PCDHGB3: variants seen among roughly 807,000 people sequenced by gnomAD.
The protein encoded by PCDHGB3 is protocadherin gamma subfamily B, 3.
Under a neutral mutation model 59.2 loss-of-function variants are expected in PCDHGB3, and 40 were observed. The ratio of observed to expected loss-of-function variants is 0.68; its 90% CI spans 0.52 to 0.88. The LOEUF (loss-of-function observed/expected upper bound fraction) is 0.88, where lower values mean the gene tolerates loss of function less well. Ranked by LOEUF, PCDHGB3 falls within the 40% of genes least tolerant of loss-of-function variation. PCDHGB3 has a pLI of 0.00. For synonymous variants in PCDHGB3, 581 were observed against 503.6 expected, an observed-to-expected ratio of 1.15 and a Z score of -2.06; for missense variants, 1,309 against 1,187.9, an observed-to-expected ratio of 1.10 and a Z score of -1.50.
Position 141,407,977 on chromosome 5 carries a change from G to T in PCDHGB3, c.2415+35168G>T, listed in dbSNP as rs943554200. ...GTGCAGAGCAAGCGCTGACGCCGGG[G>T]ATCCGTCAGCCTCTGGCCTGGGATT... On this transcript the variant is annotated intron_variant, in intron 1 of 3. Coordinates refer to ENST00000576222, the MANE Select transcript of PCDHGB3 (RefSeq NM_018924.5). 65 of 747,656 alleles carry T rather than the reference G, an allele frequency of 8.7e-5. No individual in the cohort carries two copies. The African/African-American group carries it at 1.0e-3, about 12-fold the overall frequency. The allele number at this position is 747,656 out of a possible 1,614,324, so 46.3% of individuals were successfully genotyped here. A position where few individuals can be genotyped will look rare whatever the true frequency, so the allele number is the denominator to read the frequency against.
chr5:141,429,861 A>C (rs1483953460), intron 1 of PCDHGB3, among the ~76,000 whole-genome samples: 1 of 152,226 alleles, frequency 6.6e-6, no homozygotes, highest in Non-Finnish European at 1.5e-5. Flanking sequence ...TCTTTGGACT[A>C]CCAATTTTCT....
intron 1 of PCDHGB3, among the ~76,000 whole-genome samples, chr5:141,444,152 ATTTTTTTTTTTTTTTTTTTTT>A (rs747671382): frequency 8.9e-5 from 3 of 33,882 alleles, no homozygotes; most frequent in Admixed American, 3.9e-4. Context: ...TGTGTACTGG[ATTTTTTTTTTTTTTTTTTTTT>A]TTTTTTTTTT....
intron 1 of PCDHGB3, among the ~76,000 whole-genome samples, chr5:141,459,534 T>G (rs980917458): frequency 1.3e-5 from 2 of 151,990 alleles, no homozygotes; most frequent in African/African-American, 2.4e-5. Flanking sequence ...TGTAGGCATA[T>G]TTTTTTTATT....
In PCDHGB3 at chr5:141,487,365, G is replaced by A. The variant is rs1466536791; in HGVS notation, c.2416-7442G>A. On this transcript the variant is annotated intron_variant, in intron 1 of 3. Coordinates refer to ENST00000576222, the MANE Select transcript of PCDHGB3 (RefSeq NM_018924.5). This position sits in a 1 kb window ranked among gnomAD's most constrained non-coding sequence, Gnocchi z 5.0. ...GTCACATGCTTTCCTGCTGGCACCT[G>A]TGCCTGTCTCACCAGATCTCGAAGG... The A allele has an allele frequency of 1.2e-6, 2 of 1,614,068 alleles. No homozygotes were observed. Among genetic ancestry groups the A allele is most frequent in the South Asian group, 1.1e-5 (1 of 91,088 alleles).
At chr5:141,499,019 AGGAAGGAAGAAAAG>A (rs2099788655) in intron 2 of PCDHGB3, among the ~76,000 whole-genome samples, 1 of 150,840 alleles carries the variant, frequency 6.6e-6, no homozygotes, top group Non-Finnish European at 1.5e-5. Flanking sequence ...GAAGGAAGGA[AGGAAGGAAGAAAAG>A]AAAGAAAAAG....
chr5:141,381,355 C>T (rs1431564536), intron 1 of PCDHGB3, among the ~76,000 whole-genome samples: 1 of 152,222 alleles, frequency 6.6e-6, no homozygotes, highest in Admixed American at 6.5e-5. Context: ...TTTCTGCTAG[C>T]AGAGGGTAGC....
intron 1 of PCDHGB3, among the ~76,000 whole-genome samples, chr5:141,457,415 C>T (rs185690067): frequency 3.9e-4 from 60 of 152,300 alleles, no homozygotes; most frequent in African/African-American, 1.3e-3. Flanking sequence ...CATTACCCAT[C>T]CCTTTTTCCC....
intron 3 of PCDHGB3, 72 bp from the exon 4 acceptor site, chr5:141,510,875 C>T: frequency 6.2e-7 from 1 of 1,610,120 alleles, no homozygotes; most frequent in Admixed American, 1.7e-5. Context: ...TCATTAACTG[C>T]TGGGGATATA....
chr5:141,484,591 T>C (rs2099597977), intron 1 of PCDHGB3, among the ~76,000 whole-genome samples: 1 of 152,020 alleles, frequency 6.6e-6, no homozygotes, highest in African/African-American at 2.4e-5. Flanking sequence ...AAGCTACTCA[T>C]TTAGAATACT....
intron 1 of PCDHGB3, among the ~76,000 whole-genome samples, chr5:141,494,100 G>T (rs559145191): frequency 6.6e-6 from 1 of 152,152 alleles, no homozygotes; most frequent in Non-Finnish European, 1.5e-5. Flanking sequence ...ATTTTTCTCC[G>T]TCTCAGACAG....
At chr5:141,408,879 C>A in intron 1 of PCDHGB3, 1 of 1,613,504 alleles carries the variant, frequency 6.2e-7, no homozygotes. Context: ...AGTGCCACCG[C>A]TCACATAGAA....
At chr5:141,395,398 T>A (rs976008795) in intron 1 of PCDHGB3, 8 of 863,662 alleles carry the variant, frequency 9.3e-6, no homozygotes, top group South Asian at 2.0e-5. Context: ...TGAACTCTAA[T>A]AGTCATAGGT....
chr5:141,496,192 C>T (rs942276204), intron 2 of PCDHGB3, among the ~76,000 whole-genome samples: 1 of 152,098 alleles, frequency 6.6e-6, no homozygotes, highest in Non-Finnish European at 1.5e-5. Flanking sequence ...CCCAGCTGCT[C>T]ATTTCAATCT....
At chr5:141,420,062 T>G (rs759817545) in intron 1 of PCDHGB3, 1 of 1,614,066 alleles carries the variant, frequency 6.2e-7, no homozygotes, top group Non-Finnish European at 8.5e-7. Context: ...CTGCTCCAAG[T>G]CCGGACCTGT....
chr5:141,456,098 C>A (rs1222639126), intron 1 of PCDHGB3, among the ~76,000 whole-genome samples: 1 of 151,980 alleles, frequency 6.6e-6, no homozygotes. Context: ...GGGATTTCAC[C>A]GTGTTAGCCA....
intron 1 of PCDHGB3, among the ~76,000 whole-genome samples, chr5:141,373,240 T>C (rs1021689504): frequency 2.6e-5 from 4 of 152,230 alleles, no homozygotes; most frequent in African/African-American, 9.6e-5. Context: ...TATTTTTACT[T>C]CCCTTTGCAT....
At chr5:141,441,246 C>G (rs2098234855) in intron 1 of PCDHGB3, 1 of 152,136 alleles carries the variant, frequency 6.6e-6, no homozygotes, top group Non-Finnish European at 1.5e-5. Flanking sequence ...ATCACAAGAT[C>G]TTTAAATCAC....
intron 1 of PCDHGB3, chr5:141,396,614 C>G (rs904107360): frequency 1.3e-5 from 2 of 149,602 alleles, no homozygotes; most frequent in African/African-American, 4.9e-5. Flanking sequence ...GGTGAGACTC[C>G]GTCTCAAAAA....
At chr5:141,393,322 A>C (rs780040037) in intron 1 of PCDHGB3, 21 of 1,611,334 alleles carry the variant, frequency 1.3e-5, no homozygotes, top group Middle Eastern at 1.6e-4. Context: ...CTCCAGAGCT[A>C]CCAGCTCAGC....
Sources: allele counts gnomAD v4.1 joint callset (sites outside exome capture counted in the v4.1 genomes callset), GRCh38; gene constraint gnomAD v4.1.1; non-coding constraint Gnocchi (gnomAD v3.1); transcripts MANE v1.5; gene names NCBI Gene and HGNC (gene_info 2026-07-23, HGNC 2026-07-21).